Variants in KDM6A observed in about 807,000 individuals in gnomAD.
KDM6A encodes the protein lysine-specific demethylase 6A.
KDM6A carries 11 observed loss-of-function variants against 117.6 expected under a neutral mutation model. The ratio of observed to expected loss-of-function variants is 0.09; its 90% CI spans 0.06 to 0.15. KDM6A has a LOEUF of 0.15. Ranked by LOEUF, KDM6A falls within the 10% of genes least tolerant of loss-of-function variation. The pLI, the probability that KDM6A is intolerant of heterozygous loss-of-function variation, is 1.00. For synonymous variants in KDM6A, 384 were observed against 396.1 expected, an observed-to-expected ratio of 0.97 and a Z score of 0.36; for missense variants, 799 against 1,077.3, an observed-to-expected ratio of 0.74 and a Z score of 3.62.
intron 8 of KDM6A, among the ~76,000 whole-genome samples, chrX:45,048,946 A>T (rs769896581): frequency 9.1e-6 from 1 of 110,410 alleles, no homozygotes; most frequent in South Asian, 3.8e-4. Flanking sequence ...CATCCATTGT[A>T]TTTTGCTTCT....
rs2031162637 is a variant in KDM6A at position 44,873,993 on chromosome X, G to A, written c.225+6G>A. ...CGAAGGCCCTACTGGGCAAGGTAAG[G>A]CAGCTGCGAGTCGGAGCGCGGACAC... On this transcript the variant is annotated splice_donor_region_variant and intron_variant, in intron 2 of 29. Transcript: ENST00000611820. The A allele has an allele frequency of 8.3e-7, 1 of 1,207,489 alleles. No homozygotes were observed. Among genetic ancestry groups the A allele is most frequent in the Non-Finnish European group, 1.1e-6 (1 of 891,651 alleles).
intron 7 of KDM6A, among the ~76,000 whole-genome samples, chrX:45,035,259 T>C (rs2042762266): frequency 8.9e-6 from 1 of 112,094 alleles, no homozygotes; most frequent in Admixed American, 9.5e-5. Context: ...TCGTGTATTA[T>C]ATTGTAGATG....
intron 2 of KDM6A, among the ~76,000 whole-genome samples, chrX:44,943,118 ACT>A (rs913228839): frequency 2.3e-4 from 26 of 110,940 alleles, no homozygotes; most frequent in Non-Finnish European, 3.8e-5. Context: ...TAAAAAATAA[ACT>A]CTTTTTGATG....
intron 4 of KDM6A, 67 bp from the exon 5 acceptor site, chrX:45,010,894 C>A: frequency 1.2e-6 from 1 of 801,926 alleles, no homozygotes; most frequent in South Asian, 2.2e-5. Flanking sequence ...CCGTATTTTA[C>A]AATAATAACA....
intron 4 of KDM6A, among the ~76,000 whole-genome samples, chrX:44,988,920 G>A (rs183639272): frequency 9.1e-6 from 1 of 110,232 alleles, no homozygotes; most frequent in Non-Finnish European, 1.9e-5. Flanking sequence ...GAGAACCACT[G>A]CTGTCTTCAA....
At chrX:44,880,111 T>C (rs2032098560) in intron 2 of KDM6A, among the ~76,000 whole-genome samples, 1 of 105,627 alleles carries the variant, frequency 9.5e-6, no homozygotes, top group Non-Finnish European at 1.9e-5. Context: ...AGGCAGAGGT[T>C]GCAGTGAGCT....
Position 45,026,931 on chromosome X carries a change from T to A in KDM6A, c.564+6201T>A, listed in dbSNP as rs965301171. ...TTAAATTAATTTTATCCATGCCTTA[T>A]GTTTCTAGAATATTTGTAATGTTTC... On this transcript the variant is annotated intron_variant, in intron 6 of 29. Coordinates refer to ENST00000611820, the MANE Select transcript of KDM6A (RefSeq NM_001291415.2). Among the ~76,000 whole-genome samples the A allele has an allele frequency of 2.7e-5, 3 of 111,859 alleles. No individual in the cohort carries two copies. In the Admixed American group the frequency reaches 2.9e-4, roughly 11 times the overall value.
At chrX:45,068,783 C>T (rs867267298) in intron 17 of KDM6A, among the ~76,000 whole-genome samples, 2 of 49,149 alleles carry the variant, frequency 4.1e-5, no homozygotes, top group East Asian at 8.5e-4. Flanking sequence ...TCTCTCCTCT[C>T]TCTTCTTTCT....
At chrX:44,955,938 A>T (rs1331511532) in intron 2 of KDM6A, among the ~76,000 whole-genome samples, 5 of 111,613 alleles carry the variant, frequency 4.5e-5, no homozygotes, top group Non-Finnish European at 7.5e-5. Flanking sequence ...ACTCCCACTA[A>T]AATAGCTTAG....
chrX:44,919,383 C>T (rs746962081), intron 2 of KDM6A, among the ~76,000 whole-genome samples: 41 of 110,651 alleles, frequency 3.7e-4, no homozygotes, highest in Non-Finnish European at 7.0e-4. Flanking sequence ...TGCTCCTCTA[C>T]TGGTATAGGT....
chrX:44,979,792 A>C (rs1451184555), intron 4 of KDM6A, among the ~76,000 whole-genome samples: 1 of 108,438 alleles, frequency 9.2e-6, no homozygotes, highest in Non-Finnish European at 1.9e-5. Context: ...TTCCAGCATT[A>C]TTTGTTGAAA....
At chrX:45,038,620 A>AGG (rs932830195) in intron 8 of KDM6A, among the ~76,000 whole-genome samples, 4 of 106,080 alleles carry the variant, frequency 3.8e-5, no homozygotes, top group African/African-American at 1.1e-4. Flanking sequence ...AGGCAAGGGG[A>AGG]GGGAGAGCAT....
Position 44,873,357 on chromosome X carries a change from C to A in KDM6A, c.-195C>A. ...AAAGCCGCCGCTGCCGACCCGGGGG[C>A]TCCGCAGCCCCTGCCGCCGCCGCCG... On this transcript the variant is annotated 5_prime_UTR_variant, in exon 1 of 30. Coordinates refer to ENST00000611820, the MANE Select transcript of KDM6A (RefSeq NM_001291415.2). 12 of 527,200 alleles carry A rather than the reference C, an allele frequency of 2.3e-5. No homozygotes were observed. In the South Asian group the frequency reaches 4.1e-4, roughly 18 times the overall value. The allele number at this position is 527,200 out of a possible 1,213,427, so 43.4% of individuals were successfully genotyped here.
intron 18 of KDM6A, among the ~76,000 whole-genome samples, chrX:45,075,656 C>T (rs1411936310): frequency 9.0e-6 from 1 of 110,686 alleles, no homozygotes; most frequent in African/African-American, 3.3e-5. Context: ...AAGGTTTAAG[C>T]CCTAGTTTTC....
At chrX:44,975,344 G>A (rs2039565145) in intron 4 of KDM6A, among the ~76,000 whole-genome samples, 1 of 109,190 alleles carries the variant, frequency 9.2e-6, no homozygotes, top group African/African-American at 3.3e-5. Flanking sequence ...CAGATTTTTT[G>A]TGGATTTTAT....
intron 2 of KDM6A, among the ~76,000 whole-genome samples, chrX:44,944,395 G>A: frequency 9.0e-6 from 1 of 111,260 alleles, no homozygotes; most frequent in Non-Finnish European, 1.9e-5. Flanking sequence ...AAATTGTTTT[G>A]CTTATTCTAG....
chrX:45,108,883 A>G (rs1603060496), intron 28 of KDM6A, among the ~76,000 whole-genome samples: 1 of 98,753 alleles, frequency 1.0e-5, no homozygotes, highest in Non-Finnish European at 2.0e-5. Flanking sequence ...AAAACCAAAC[A>G]CCGCACATTC....
At chrX:44,893,509 G>GTTT (rs752050347) in intron 2 of KDM6A, among the ~76,000 whole-genome samples, 4 of 91,855 alleles carry the variant, frequency 4.4e-5, no homozygotes, top group African/African-American at 1.2e-4. Flanking sequence ...GTTGTGGGAG[G>GTTT]TTTTTTTTTT....
In KDM6A at chrX:44,901,935, A is replaced by G. The variant is rs149882626; in HGVS notation, c.225+27948A>G. 4.8e-3 allele frequency among the ~76,000 whole-genome samples: 542 copies of G among 112,516 alleles called. 4 individuals are homozygous for G. The highest frequency in any genetic ancestry group is 0.017 in the African/African-American group (524 of 30,966). On this transcript the variant is annotated intron_variant, in intron 2 of 29. Transcript: ENST00000611820. ...AGCATATAGTTGTGTTATGCCTTTA[A>G]AAAAATTCAGACTGGGTGTGGTGGC...
Sources: gnomAD v4.1 joint callset for allele counts (sites outside exome capture counted in the v4.1 genomes callset) on GRCh38, gnomAD v4.1.1 for gene constraint, MANE v1.5 for transcripts, NCBI Gene and HGNC (gene_info 2026-07-23, HGNC 2026-07-21) for gene names.